CSMD3: variants seen among roughly 807,000 people sequenced by gnomAD.
CSMD3 encodes CUB and sushi domain-containing protein 3.
In CSMD3, 177 loss-of-function variants were observed where a neutral mutation model predicts 435.2. That is an observed-to-expected ratio of 0.41 (90% confidence interval 0.36 to 0.46). CSMD3 has a LOEUF of 0.46. Among genes scored for constraint, CSMD3 ranks in the 20% least tolerant of loss-of-function variants. The probability of loss-of-function intolerance (pLI) is 0.34; values close to 1 mark genes in which losing one functional copy is unlikely to be tolerated. For synonymous variants in CSMD3, 1,656 were observed against 1,520.5 expected, an observed-to-expected ratio of 1.09 and a Z score of -2.07; for missense variants, 4,265 against 4,504.6, an observed-to-expected ratio of 0.95 and a Z score of 1.52.
chr8:113,056,228 C>T (rs189118909), intron 5 of CSMD3, among the ~76,000 whole-genome samples: 1 of 152,264 alleles, frequency 6.6e-6, no homozygotes, highest in African/African-American at 2.4e-5. Context: ...TACACGAAAA[C>T]ACTTAAGCAG....
At chr8:112,405,246 T>TATATATATATATATATATATACACAC (rs1199452249) in intron 35 of CSMD3, among the ~76,000 whole-genome samples, 1 of 81,536 alleles carries the variant, frequency 1.2e-5, no homozygotes, top group African/African-American at 5.3e-5. Flanking sequence ...TATATATATA[T>TATATATATATATATATATATACACAC]ACATATATAT....
intron 45 of CSMD3, among the ~76,000 whole-genome samples, chr8:112,327,500 C>T (rs1586779893): frequency 1.3e-5 from 2 of 152,106 alleles, no homozygotes; most frequent in African/African-American, 4.8e-5. Flanking sequence ...ATCATATGTA[C>T]ATATATGTTA....
intron 32 of CSMD3, among the ~76,000 whole-genome samples, chr8:112,457,268 G>T (rs770893132): frequency 3.3e-5 from 5 of 151,952 alleles, no homozygotes; most frequent in Non-Finnish European, 7.4e-5. Flanking sequence ...TATTTATTTT[G>T]TACCACCAAC....
chr8:112,966,675 TG>T (rs2084430086), intron 7 of CSMD3, among the ~76,000 whole-genome samples: 3 of 151,758 alleles, frequency 2.0e-5, no homozygotes, highest in Admixed American at 2.0e-4. Context: ...TTTGACTTGG[TG>T]TTGATTTTCT....
At chr8:112,916,916 T>C (rs981330416) in intron 10 of CSMD3, among the ~76,000 whole-genome samples, 1 of 151,944 alleles carries the variant, frequency 6.6e-6, no homozygotes, top group African/African-American at 2.4e-5. Context: ...TAAGAGGGAA[T>C]TTGTAACATA....
At chr8:113,114,910 C>T (rs1191995430) in intron 4 of CSMD3, among the ~76,000 whole-genome samples, 2 of 152,024 alleles carry the variant, frequency 1.3e-5, no homozygotes, top group South Asian at 2.1e-4. Flanking sequence ...TCAAGGAGAG[C>T]GTGAAGGTTA....
In CSMD3 at chr8:113,131,671, A is replaced by G. The variant is rs189137620; in HGVS notation, c.710-32708T>C. On this transcript the variant is annotated intron_variant, in intron 4 of 70. Transcript: ENST00000297405. ...AAATGTGGGGTTGGAGACACCACAG[A>G]GTCCCCACTGGGGCACTGCCTAGTG... Among the ~76,000 whole-genome samples, 787 of 152,290 alleles carry G rather than the reference A, an allele frequency of 5.2e-3. 11 individuals are homozygous for G. The highest frequency in any genetic ancestry group is 0.018 in the African/African-American group (761 of 41,576).
At chr8:113,217,240 A>T (rs981714966) in intron 3 of CSMD3, among the ~76,000 whole-genome samples, 11 of 151,804 alleles carry the variant, frequency 7.2e-5, no homozygotes, top group Non-Finnish European at 1.6e-4. Context: ...CTTTTTTTTT[A>T]AAAGACAACA....
rs1820216650 is a variant in CSMD3, at chr8:112,295,934, G to A, written c.8513C>T (p.Thr2838Ile). ...ACCAGGATTACATTGATATACAACT[G>A]TGTCTCTATATCCATAATTTTCTCC... ...VIGENYGYRD[T>I]VVYQCNPGFR... is the part of the protein sequence containing the mutation. Residue 2838 changes from threonine to isoleucine, a missense_variant, in exon 54 of 71, where the codon ACA (threonine) becomes ATA (isoleucine). Coordinates refer to ENST00000297405, the MANE Select transcript of CSMD3 (RefSeq NM_198123.2). 9.3e-6 allele frequency: 15 copies of A among 1,612,122 alleles called. No homozygotes were observed. The highest frequency in any genetic ancestry group is 1.3e-5 in the Non-Finnish European group (15 of 1,178,446).
intron 9 of CSMD3, among the ~76,000 whole-genome samples, chr8:112,935,883 GT>G (rs1258271394): frequency 2.0e-5 from 3 of 152,058 alleles, no homozygotes; most frequent in Non-Finnish European, 4.4e-5. Context: ...AAGAGAGATG[GT>G]TTAGGATGTT....
At position 113,406,801 on chromosome 8, in the gene CSMD3, T is replaced by C. The variant is rs141387705; in HGVS notation, c.178+29876A>G. Among the ~76,000 whole-genome samples the C allele has an allele frequency of 1.5e-3, 228 of 152,196 alleles. 4 individuals are homozygous for C. The East Asian group carries it at 0.041, about 27-fold the overall frequency. ...GTAGCTGTCATTTATTAAGAGCTTA[T>C]ATTTAGTAAGCTATAATATTTTATC... On this transcript the variant is annotated intron_variant, in intron 1 of 70. Transcript: ENST00000297405.
chr8:112,392,673 T>C (rs1830523113), intron 35 of CSMD3, among the ~76,000 whole-genome samples: 1 of 152,010 alleles, frequency 6.6e-6, no homozygotes, highest in Non-Finnish European at 1.5e-5. Flanking sequence ...CTTTTTTTTT[T>C]TCTGAGTTAC....
chr8:113,414,014 G>A (rs1309050737), intron 1 of CSMD3, among the ~76,000 whole-genome samples: 1 of 152,134 alleles, frequency 6.6e-6, no homozygotes, highest in Non-Finnish European at 1.5e-5. Flanking sequence ...GACGAAATAG[G>A]AGACAGTAAC....
Position 112,356,922 on chromosome 8 carries a change from T to C in CSMD3, c.6137-4388A>G, listed in dbSNP as rs1019993257. 2.6e-5 allele frequency among the ~76,000 whole-genome samples: 4 copies of C among 152,218 alleles called. 1 individual carries two copies. Among genetic ancestry groups the C allele is most frequent in the Admixed American group, 2.6e-4 (4 of 15,284 alleles). On this transcript the variant is annotated intron_variant, in intron 38 of 70. Coordinates refer to ENST00000297405, the MANE Select transcript of CSMD3 (RefSeq NM_198123.2). ...TTGCCCAGTCTCAGGTATGTCTTTA[T>C]CAGCAGCATGAAAACTGACTAATAT...
chr8:112,931,526 G>C (rs901789681), intron 9 of CSMD3, among the ~76,000 whole-genome samples: 1 of 150,654 alleles, frequency 6.6e-6, no homozygotes, highest in Admixed American at 6.6e-5. Flanking sequence ...ATGTTCTAGG[G>C]AACTTGTCTA....
chr8:112,337,792 T>C, intron 42 of CSMD3, 61 bp from the exon 43 acceptor site: 2 of 1,304,566 alleles, frequency 1.5e-6, no homozygotes, highest in Non-Finnish European at 2.1e-6. Context: ...ACAGATAGGG[T>C]ACTACAGCAA....
intron 31 of CSMD3, among the ~76,000 whole-genome samples, chr8:112,492,278 G>A (rs1248035575): frequency 6.6e-6 from 1 of 152,068 alleles, no homozygotes; most frequent in Non-Finnish European, 1.5e-5. Context: ...TACACATATT[G>A]CTTTAGAGAC....
intron 4 of CSMD3, among the ~76,000 whole-genome samples, chr8:113,137,800 T>C (rs528644953): frequency 6.6e-6 from 1 of 151,640 alleles, no homozygotes; most frequent in Admixed American, 6.6e-5. Context: ...AACATAAATT[T>C]TGAAGGGGAC....
intron 3 of CSMD3, among the ~76,000 whole-genome samples, chr8:113,242,289 A>G (rs72670706): frequency 0.066 from 9,963 of 151,974 alleles, 446 homozygotes; most frequent in Non-Finnish European, 0.094. Context: ...TATTAATACA[A>G]TAAAGAGGAG....
Sources: gnomAD v4.1 joint callset for allele counts (sites outside exome capture counted in the v4.1 genomes callset) on GRCh38, gnomAD v4.1.1 for gene constraint, MANE v1.5 for transcripts, NCBI Gene and HGNC (gene_info 2026-07-23, HGNC 2026-07-21) for gene names.